Variants in MSRB3 observed in about 807,000 individuals in gnomAD.
MSRB3 encodes the protein methionine-R-sulfoxide reductase B3.
A neutral mutation model predicts 21.0 loss-of-function variants in MSRB3; 13 were observed. The observed-to-expected ratio is 0.62, with a 90% CI of 0.40 to 0.98. The LOEUF is 0.98. Ranked by LOEUF, MSRB3 falls within the 50% of genes least tolerant of loss-of-function variation. MSRB3 has a pLI of 0.00. For missense variants in MSRB3, 199 were observed against 230.3 expected, an observed-to-expected ratio of 0.86 and a Z score of 0.88; for synonymous variants, 87 against 88.6, an observed-to-expected ratio of 0.98 and a Z score of 0.10.
At chr12:65,383,199 G>T (rs750238506) in intron 5 of MSRB3, among the ~76,000 whole-genome samples, 2 of 152,188 alleles carry the variant, frequency 1.3e-5, no homozygotes, top group South Asian at 2.1e-4. Flanking sequence ...TAATTTACCC[G>T]TGCTCAATTT....
In MSRB3 at chr12:65,306,727, G is replaced by A. The variant is rs181832911; in HGVS notation, c.-51-1802G>A. ...CAAAACTAATTTGCCACTAGATGGA[G>A]CCCTGGCTATTTGGGTAGAAATACA... On this transcript the variant is annotated intron_variant, in intron 1 of 6. Transcript: ENST00000308259. 5.4e-4 allele frequency: 318 copies of A among 591,032 alleles called. 2 individuals are homozygous for A. The African/African-American group carries it at 6.2e-3, about 11-fold the overall frequency. The allele number at this position is 591,032 out of a possible 1,614,324, so 36.6% of individuals were successfully genotyped here.
intron 4 of MSRB3, among the ~76,000 whole-genome samples, chr12:65,341,138 C>T (rs190738675): frequency 7.3e-4 from 111 of 151,982 alleles, no homozygotes; most frequent in African/African-American, 2.7e-3. Flanking sequence ...TCACAATAGC[C>T]AAGATTTGGG....
intron 4 of MSRB3, among the ~76,000 whole-genome samples, chr12:65,347,599 C>G (rs1170776678): frequency 6.6e-6 from 1 of 152,178 alleles, no homozygotes; most frequent in Non-Finnish European, 1.5e-5. Flanking sequence ...CCTAATTGCC[C>G]TGGCCAGAAC....
At chr12:65,368,376 G>C (rs184585054) in intron 4 of MSRB3, among the ~76,000 whole-genome samples, 2 of 151,460 alleles carry the variant, frequency 1.3e-5, no homozygotes, top group Admixed American at 1.3e-4. Flanking sequence ...CTAGTCATAG[G>C]GTTAATTCTG....
In MSRB3 at chr12:65,279,093, C is replaced by G. The variant is rs984964910; in HGVS notation, c.-52+228C>G. Reference sequence around the variant, plus strand: ...GGAGGTCAGGGCTGGTTTCCCCCCACCCGCCGAAGGGAGGCGTCTGGCAGC... The same window carrying G: ...GGAGGTCAGGGCTGGTTTCCCCCCAGCCGCCGAAGGGAGGCGTCTGGCAGC... On this transcript the variant is annotated intron_variant, in intron 1 of 6. Transcript: ENST00000308259. 3.0e-5 allele frequency: 42 copies of G among 1,391,702 alleles called. No individual in the cohort carries two copies. The African/African-American group carries it at 5.4e-4, about 18-fold the overall frequency. 86.2% of individuals were successfully genotyped at this position (1,391,702 alleles called of 1,614,324 possible).
At chr12:65,451,175 T>C (rs1024424837) in intron 5 of MSRB3, among the ~76,000 whole-genome samples, 1 of 152,198 alleles carries the variant, frequency 6.6e-6, no homozygotes, top group African/African-American at 2.4e-5. Context: ...GTTGACATAT[T>C]GAATATTCCA....
intron 5 of MSRB3, among the ~76,000 whole-genome samples, chr12:65,414,003 C>T (rs1880847372): frequency 6.6e-6 from 1 of 151,952 alleles, no homozygotes; most frequent in South Asian, 2.1e-4. Context: ...AGAAGCAGGC[C>T]AGTATTGCTG....
intron 6 of MSRB3, among the ~76,000 whole-genome samples, chr12:65,457,949 T>C (rs539914950): frequency 2.0e-5 from 3 of 152,326 alleles, no homozygotes; most frequent in Admixed American, 2.0e-4. Context: ...GTATTCTTAA[T>C]TTACGTGGCT....
rs187550936 is a variant in MSRB3, at chr12:65,300,507, G to C, written c.-51-8022G>C. Among the ~76,000 whole-genome samples the C allele has an allele frequency of 8.5e-5, 13 of 152,246 alleles. No homozygotes were observed. The East Asian group carries it at 2.5e-3, about 29-fold the overall frequency. ...TTTTCTAAAACAAGGACATCAATCT[G>C]GGGGCACAAGGGCCCCTGCCCTTGA... On this transcript the variant is annotated intron_variant, in intron 1 of 6. Coordinates refer to ENST00000308259, the MANE Select transcript of MSRB3 (RefSeq NM_001031679.3).
intron 4 of MSRB3, among the ~76,000 whole-genome samples, chr12:65,354,529 C>CT (rs1877261750): frequency 6.6e-6 from 1 of 151,982 alleles, no homozygotes; most frequent in Non-Finnish European, 1.5e-5. Flanking sequence ...GCTACTGAGG[C>CT]TTGTGCATTC....
At chr12:65,347,622 G>C (rs544468488) in intron 4 of MSRB3, among the ~76,000 whole-genome samples, 3 of 152,150 alleles carry the variant, frequency 2.0e-5, no homozygotes, top group East Asian at 3.8e-4. Context: ...CCAACACTAT[G>C]TTGAATAGGA....
Position 65,322,626 on chromosome 12 carries a change from A to T in MSRB3, c.77-4200A>T, listed in dbSNP as rs913366348. ...CAGTGAGCTGAACTCACACCACTGG[A>T]CTCCAGCCTGGGTGACAGAGCGAGA... On this transcript the variant is annotated intron_variant, in intron 2 of 6. Transcript: ENST00000308259. Among the ~76,000 whole-genome samples the T allele has an allele frequency of 2.1e-5, 3 of 143,132 alleles. No homozygotes were observed. In the East Asian group the frequency reaches 6.2e-4, roughly 30 times the overall value. The allele number at this position is 143,132 out of a possible 152,430, so 93.9% of individuals were successfully genotyped here. A position where few individuals can be genotyped will look rare whatever the true frequency, so the allele number is the denominator to read the frequency against.
intron 1 of MSRB3, among the ~76,000 whole-genome samples, chr12:65,282,295 C>T (rs890972090): frequency 5.4e-5 from 8 of 148,976 alleles, no homozygotes; most frequent in Admixed American, 1.3e-4. Context: ...CCAGCCTGGG[C>T]GACAAGAGCA....
chr12:65,416,755 C>A (rs78618670), intron 5 of MSRB3, among the ~76,000 whole-genome samples: 2,789 of 152,286 alleles, frequency 0.018, 96 homozygotes, highest in African/African-American at 0.064. Context: ...ATCATATATG[C>A]AGTCCATAGT....
chr12:65,403,444 A>G (rs1181036997), intron 5 of MSRB3, among the ~76,000 whole-genome samples: 2 of 152,034 alleles, frequency 1.3e-5, no homozygotes, highest in African/African-American at 4.8e-5. Context: ...GTAATGGTGG[A>G]CGCCCCTCCC....
intron 5 of MSRB3, among the ~76,000 whole-genome samples, chr12:65,421,152 C>T (rs766402921): frequency 1.6e-4 from 25 of 152,108 alleles, no homozygotes; most frequent in Non-Finnish European, 3.5e-4. Context: ...TAAATAATGT[C>T]CTTTCTGACT....
At chr12:65,279,780 AC>A (rs1871902695) in intron 1 of MSRB3, among the ~76,000 whole-genome samples, 2 of 152,238 alleles carry the variant, frequency 1.3e-5, no homozygotes, top group African/African-American at 4.8e-5. Context: ...ATTTTAAAGT[AC>A]AAAGGTAGGG....
In MSRB3 at chr12:65,445,116, C is replaced by T. The variant is rs1882554079; in HGVS notation, c.293-8612C>T. 3.9e-5 allele frequency among the ~76,000 whole-genome samples: 6 copies of T among 152,112 alleles called. No homozygotes were observed. In the South Asian group the frequency reaches 1.2e-3, roughly 32 times the overall value. ...CTCTAGCATGATTCAGCTAGTCACACAAGCTGGAAACCTAGTAATAATGTG... is the reference window on the plus strand; with the variant it reads ...CTCTAGCATGATTCAGCTAGTCACATAAGCTGGAAACCTAGTAATAATGTG... On this transcript the variant is annotated intron_variant, in intron 5 of 6. Transcript: ENST00000308259.
chr12:65,446,464 G>A (rs1300559178), intron 5 of MSRB3, among the ~76,000 whole-genome samples: 2 of 152,202 alleles, frequency 1.3e-5, no homozygotes, highest in Non-Finnish European at 2.9e-5. Flanking sequence ...AAATTATGAT[G>A]CGTCAAATTT....
Sources: allele counts gnomAD v4.1 joint callset (sites outside exome capture counted in the v4.1 genomes callset), GRCh38; gene constraint gnomAD v4.1.1; transcripts MANE v1.5; gene names NCBI Gene and HGNC (gene_info 2026-07-23, HGNC 2026-07-21).